Variants in COL11A2 observed in about 807,000 individuals in gnomAD.
The protein encoded by COL11A2 is collagen type XI alpha 2 chain.
COL11A2 carries 116 observed loss-of-function variants against 273.4 expected under a neutral mutation model. That is an observed-to-expected ratio of 0.42 (90% confidence interval 0.36 to 0.49). The LOEUF (loss-of-function observed/expected upper bound fraction) is 0.49, where lower values mean the gene tolerates loss of function less well. Among genes scored for constraint, COL11A2 ranks in the 20% least tolerant of loss-of-function variants. The probability of loss-of-function intolerance (pLI) is 0.00; values close to 1 mark genes in which losing one functional copy is unlikely to be tolerated. For synonymous variants in COL11A2, 782 were observed against 864.2 expected, an observed-to-expected ratio of 0.90 and a Z score of 1.67; for missense variants, 1,866 against 2,309.0, an observed-to-expected ratio of 0.81 and a Z score of 3.93.
At position 33,166,877 on chromosome 6, in the gene COL11A2, A is replaced by G. The variant is rs1769230503; in HGVS notation, c.4231-50T>C. The G allele has an allele frequency of 3.1e-6, 5 of 1,590,230 alleles. No homozygotes were observed. Among genetic ancestry groups the G allele is most frequent in the Non-Finnish European group, 4.3e-6 (5 of 1,164,496 alleles). On this transcript the variant is annotated intron_variant, in intron 58 of 65. Transcript: ENST00000341947. This position sits in a 1 kb window ranked among gnomAD's most constrained non-coding sequence, Gnocchi z 4.8. ...GAGAATGCAAAGAGGAGTCATGTGG[A>G]TGGGGGAGAAGGGCCAAGAGGACAT...
intron 6 of COL11A2, 127 bp from the exon 7 acceptor site, chr6:33,185,181 A>T: frequency 2.7e-6 from 2 of 741,334 alleles, no homozygotes; most frequent in South Asian, 1.5e-5. Context: ...GGATGGGGGA[A>T]ATCTCAGATC....
rs147303697 is a variant in COL11A2 at position 33,182,355 on chromosome 6, A to G, written c.1120-1185T>C. 4.5e-3 allele frequency among the ~76,000 whole-genome samples: 679 copies of G among 152,338 alleles called. 24 individuals are homozygous for G. In the East Asian group the frequency reaches 0.052, roughly 12 times the overall value. On this transcript the variant is annotated intron_variant, in intron 8 of 65. Transcript: ENST00000341947. ...TATATGCTATTATGCACAGAATTTT[A>G]TTTAGGATTTCAAAGGGTTCACAAG...
Position 33,173,506 on chromosome 6 carries a change from G to A in COL11A2, c.2678C>T (p.Pro893Leu), listed in dbSNP as rs1415750932. 10 of 1,611,788 alleles carry A rather than the reference G, an allele frequency of 6.2e-6. No individual in the cohort carries two copies. The highest frequency in any genetic ancestry group is 1.7e-5 in the Admixed American group (1 of 59,860). Residue 893 changes from proline to leucine, a missense_variant, in exon 36 of 66, where the codon CCC becomes CTC. Transcript: ENST00000341947. The surrounding 1 kb of genome is among the most constrained non-coding windows in gnomAD (Gnocchi z 6.3). ...CAGAGCTCGGGGTCAACTTACCGGGGGTCCTTTCGGTCCAGGAAACCCGTT... is the reference window on the plus strand; with the variant it reads ...CAGAGCTCGGGGTCAACTTACCGGGAGTCCTTTCGGTCCAGGAAACCCGTT... Reference protein sequence around the residue: ...GPNGFPGPKGPPGPPGKDGLP... With the variant: ...GPNGFPGPKGLPGPPGKDGLP...
chr6:33,181,084 C>G (rs774207593), intron 9 of COL11A2, 27 bp downstream of exon 9: 1 of 1,614,180 alleles, frequency 6.2e-7, no homozygotes, highest in Admixed American at 1.7e-5. Flanking sequence ...TTTCCACTGC[C>G]TCAGCCCTGT....
chr6:33,169,681 A>C lies in COL11A2; in HGVS notation c.3690+150T>G. 8.7e-7 allele frequency: 1 copy of C among 1,148,016 alleles called. No individual in the cohort carries two copies. Among genetic ancestry groups the C allele is most frequent in the South Asian group, 1.3e-5 (1 of 79,810 alleles). 71.1% of individuals were successfully genotyped at this position (1,148,016 alleles called of 1,614,324 possible). On this transcript the variant is annotated intron_variant, in intron 50 of 65. Coordinates refer to ENST00000341947, the MANE Select transcript of COL11A2 (RefSeq NM_080680.3). This position sits in a 1 kb window ranked among gnomAD's most constrained non-coding sequence, Gnocchi z 5.5. The stretch of plus-strand genomic sequence containing the variant: ...AAGAAAGGGGAAGAAGGGCTCACTC[A>C]GACCAGGGATCAGGCCTCATAGAGG...
chr6:33,185,333 G>A (rs2150606149), intron 6 of COL11A2, among the ~76,000 whole-genome samples: 2 of 152,276 alleles, frequency 1.3e-5, no homozygotes, highest in South Asian at 4.1e-4. Flanking sequence ...GGCAGTGGGG[G>A]AAGCTGCCCT....
rs1363326575 is a variant in COL11A2 at position 33,192,291 on chromosome 6, G to T, written c.-51C>A. On this transcript the variant is annotated 5_prime_UTR_variant, in exon 1 of 66. Coordinates refer to ENST00000341947, the MANE Select transcript of COL11A2 (RefSeq NM_080680.3). ...CCAGGGACCCAGGTCGGCCTGAGAC[G>T]CTGGATGCCCTGAGGCTGACAGAAG... The T allele has an allele frequency of 2.7e-6, 4 of 1,505,330 alleles. No homozygotes were observed. In the Admixed American group the frequency reaches 5.9e-5, roughly 22 times the overall value. 93.2% of individuals were successfully genotyped at this position (1,505,330 alleles called of 1,614,324 possible).
rs1458740657 is a variant in COL11A2 at position 33,190,322 on chromosome 6, C to T, written c.83-853G>A. Among the ~76,000 whole-genome samples the T allele has an allele frequency of 2.0e-5, 3 of 152,080 alleles. No homozygotes were observed. The highest frequency in any genetic ancestry group is 7.2e-5 in the African/African-American group (3 of 41,410). On this transcript the variant is annotated intron_variant, in intron 1 of 65. Coordinates refer to ENST00000341947, the MANE Select transcript of COL11A2 (RefSeq NM_080680.3). The surrounding 1 kb of genome is among the most constrained non-coding windows in gnomAD (Gnocchi z 4.5). Reference sequence around the variant, plus strand: ...GCCCAGAACCCAGGCAAGCTCCCCACACCTGGAACCTCAATCCTGTCTCAC... The same window carrying T: ...GCCCAGAACCCAGGCAAGCTCCCCATACCTGGAACCTCAATCCTGTCTCAC...
At chr6:33,175,380 A>G (rs1770753051) in intron 30 of COL11A2, 194 bp downstream of exon 30, 6 of 693,206 alleles carry the variant, frequency 8.7e-6, no homozygotes, top group South Asian at 6.1e-5. Flanking sequence ...CGTGTCAGGG[A>G]CTTTTCCCTG....
At position 33,176,348 on chromosome 6, in the gene COL11A2, G is replaced by A. The variant is rs771497214; in HGVS notation, c.2170-45C>T. On this transcript the variant is annotated intron_variant, in intron 27 of 65. Transcript: ENST00000341947. The surrounding 1 kb of genome is among the most constrained non-coding windows in gnomAD (Gnocchi z 4.9). Reference sequence around the variant, plus strand: ...AGAAGTAGACTGATCAGGGGATGGAGGTGGGTTGGAAGGACCAAGCTCCTA... The same window carrying A: ...AGAAGTAGACTGATCAGGGGATGGAAGTGGGTTGGAAGGACCAAGCTCCTA... 1 of 1,601,262 alleles carries A rather than the reference G, an allele frequency of 6.2e-7. No individual in the cohort carries two copies. Among genetic ancestry groups the A allele is most frequent in the Non-Finnish European group, 8.5e-7 (1 of 1,173,446 alleles).
In COL11A2 at chr6:33,176,551, G is replaced by T; in HGVS notation, c.2116-65C>A. ...AGTGTCACTGTGGGGGCCTCCAGGGGTGGAAGAAATGGAAGTAACAACATT... is the reference window on the plus strand; with the variant it reads ...AGTGTCACTGTGGGGGCCTCCAGGGTTGGAAGAAATGGAAGTAACAACATT... On this transcript the variant is annotated intron_variant, in intron 26 of 65. Coordinates refer to ENST00000341947, the MANE Select transcript of COL11A2 (RefSeq NM_080680.3). The surrounding 1 kb of genome is among the most constrained non-coding windows in gnomAD (Gnocchi z 4.9). 1 of 1,509,640 alleles carries T rather than the reference G, an allele frequency of 6.6e-7. No individual in the cohort carries two copies. 93.5% of individuals were successfully genotyped at this position (1,509,640 alleles called of 1,614,324 possible). A position where few individuals can be genotyped will look rare whatever the true frequency, so the allele number is the denominator to read the frequency against.
In COL11A2 at chr6:33,180,728, T is replaced by A; in HGVS notation, c.1224A>T (p.Gly408=). The A allele has an allele frequency of 6.2e-7, 1 of 1,610,708 alleles. No homozygotes were observed. The highest frequency in any genetic ancestry group is 8.5e-7 in the Non-Finnish European group (1 of 1,178,938). The change falls in exon 11 of 66, where the codon GGA becomes GGT. Residue 408 remains glycine, a splice_region_variant and synonymous_variant. Transcript: ENST00000341947. The stretch of plus-strand genomic sequence containing the variant: ...CCTGGATGCCAGGGGGACCAATCAA[T>A]CCCTGAGGAACAAAAGAGTAGGGGT... ...EGPPGPEGPA[G]LIGPPGIQGN...
chr6:33,192,511 C>G, upstream of COL11A2: 2 of 533,146 alleles, frequency 3.8e-6, no homozygotes, highest in South Asian at 4.3e-5. Context: ...CTCGCCCCCG[C>G]CCCCGGCCCG....
Position 33,173,519 on chromosome 6 carries a change from C to T in COL11A2, c.2665G>A (p.Gly889Arg). Residue 889 changes from glycine to arginine, a missense_variant, in exon 36 of 66, where the codon GGA becomes AGA. Gly to Arg is a moderately radical substitution (Grantham distance 125). Transcript: ENST00000341947. This position sits in a 1 kb window ranked among gnomAD's most constrained non-coding sequence, Gnocchi z 6.3. ...PGPQGPNGFP[G>R]PKGPPGPPGK... ...CAACTTACCGGGGGTCCTTTCGGTC[C>T]AGGAAACCCGTTGGGACCCTGAGGT... 6.2e-7 allele frequency: 1 copy of T among 1,608,132 alleles called. No homozygotes were observed. Among genetic ancestry groups the T allele is most frequent in the South Asian group, 1.1e-5 (1 of 90,940 alleles).
intron 6 of COL11A2, among the ~76,000 whole-genome samples, chr6:33,185,425 G>C (rs1003222954): frequency 6.6e-6 from 1 of 152,294 alleles, no homozygotes; most frequent in Non-Finnish European, 1.5e-5. Flanking sequence ...GGCCTGGTGA[G>C]GGGGACGCCT....
intron 40 of COL11A2, 26 bp from the exon 41 acceptor site, chr6:33,172,129 T>C: frequency 1.2e-6 from 2 of 1,611,526 alleles, no homozygotes; most frequent in Non-Finnish European, 1.7e-6. Context: ...TTGGGGAAGA[T>C]GAGACTTCAC....
At position 33,179,013 on chromosome 6, in the gene COL11A2, A is replaced by C. The variant is rs1281505765; in HGVS notation, c.1612-40T>G. 6.2e-7 allele frequency: 1 copy of C among 1,613,854 alleles called. No homozygotes were observed. Among genetic ancestry groups the C allele is most frequent in the Admixed American group, 1.7e-5 (1 of 60,018 alleles). ...GAAGTGTCAGAACAAGCAGGGCCGC[A>C]GTCCCCTACCCTGCAGGCCCTGTCT... is the stretch of plus-strand genomic sequence containing the variant. On this transcript the variant is annotated intron_variant, in intron 16 of 65. Coordinates refer to ENST00000341947, the MANE Select transcript of COL11A2 (RefSeq NM_080680.3). The surrounding 1 kb of genome is among the most constrained non-coding windows in gnomAD (Gnocchi z 6.4).
chr6:33,175,138 T>C (rs1039633138), intron 30 of COL11A2, among the ~76,000 whole-genome samples: 3 of 152,138 alleles, frequency 2.0e-5, no homozygotes, highest in African/African-American at 7.2e-5. Flanking sequence ...TGTGCCTCTG[T>C]AAAACCTCAG....
chr6:33,172,633 G>A lies in COL11A2; in HGVS notation c.2795C>T (p.Ala932Val), dbSNP rs1414752329. The A allele has an allele frequency of 1.2e-6, 2 of 1,611,796 alleles. No homozygotes were observed. Among genetic ancestry groups the A allele is most frequent in the East Asian group, 2.2e-5 (1 of 44,864 alleles). ...CCCCATAGGGCCGGTTTCTCCTGCT[G>A]CTCCCTAGACAAAAGCAGAGAGAGT... ...GPPGVVGPQGAAGETGPMGER... is the reference protein window; with the variant it reads ...GPPGVVGPQGVAGETGPMGER... Residue 932 changes from alanine (A) to valine (V), a missense_variant, in exon 39 of 66, where the codon GCA becomes GTA. By Grantham distance (64) the Ala-to-Val change is moderately conservative. Transcript: ENST00000341947.
Sources: allele counts gnomAD v4.1 joint callset (sites outside exome capture counted in the v4.1 genomes callset), GRCh38; gene constraint gnomAD v4.1.1; non-coding constraint Gnocchi (gnomAD v3.1); transcripts MANE v1.5; gene names NCBI Gene and HGNC (gene_info 2026-07-23, HGNC 2026-07-21).